ROR2: variants seen among roughly 807,000 people sequenced by gnomAD.
ROR2 encodes ROR family WNT receptor 2.
ROR2 carries 33 observed loss-of-function variants against 74.9 expected under a neutral mutation model. The observed-to-expected ratio is 0.44, with a 90% CI of 0.33 to 0.59. The LOEUF (loss-of-function observed/expected upper bound fraction) is 0.59. ROR2 is among the 20% of genes least tolerant of loss of function. The probability of loss-of-function intolerance (pLI) is 0.02; values close to 1 mark genes in which losing one functional copy is unlikely to be tolerated. For missense variants in ROR2, 1,216 were observed against 1,313.8 expected, an observed-to-expected ratio of 0.93 and a Z score of 1.15; for synonymous variants, 586 against 558.7, an observed-to-expected ratio of 1.05 and a Z score of -0.69.
chr9:91,758,467 C>A (rs920204892), intron 2 of ROR2, among the ~76,000 whole-genome samples: 2 of 152,130 alleles, frequency 1.3e-5, no homozygotes, highest in South Asian at 2.1e-4. Context: ...ATGGACATCC[C>A]CAAACCAAGC....
intron 4 of ROR2, among the ~76,000 whole-genome samples, chr9:91,745,030 G>A (rs1277876342): frequency 1.3e-5 from 2 of 152,224 alleles, no homozygotes; most frequent in Non-Finnish European, 2.9e-5. Flanking sequence ...GGCATTCCAT[G>A]TGTGAGTGCA....
chr9:91,752,172 C>T (rs72744475), intron 4 of ROR2, among the ~76,000 whole-genome samples: 1,775 of 152,258 alleles, frequency 0.012, 20 homozygotes, highest in Middle Eastern at 0.02. Context: ...CAGGAGAAGG[C>T]CCAGGAATGT....
chr9:91,900,091 G>A (rs1483915562), intron 1 of ROR2, among the ~76,000 whole-genome samples: 1 of 152,210 alleles, frequency 6.6e-6, no homozygotes, highest in Non-Finnish European at 1.5e-5. Flanking sequence ...TCACCAGTAA[G>A]ATAAGTTTTA....
rs1007453656 is a variant in ROR2 at position 91,811,173 on chromosome 9, G to A, written c.98-35355C>T. 3.9e-5 allele frequency among the ~76,000 whole-genome samples: 6 copies of A among 152,340 alleles called. No homozygotes were observed. In the East Asian group the frequency reaches 7.7e-4, roughly 20 times the overall value. On this transcript the variant is annotated intron_variant, in intron 1 of 8. Transcript: ENST00000375708. Reference sequence around the variant, plus strand: ...CACACCTCCCCTAGGCCGGGACAGCGGCGCTGGTGGGGGAAAAGCTGTCAG... The same window carrying A: ...CACACCTCCCCTAGGCCGGGACAGCAGCGCTGGTGGGGGAAAAGCTGTCAG...
intron 1 of ROR2, among the ~76,000 whole-genome samples, chr9:91,942,988 T>C (rs150413468): frequency 1.8e-4 from 27 of 152,328 alleles, no homozygotes; most frequent in Non-Finnish European, 3.5e-4. Flanking sequence ...CTCATACATA[T>C]AGTTATGTAC....
At position 91,733,535 on chromosome 9, in the gene ROR2, T is replaced by A; in HGVS notation, c.623-99A>T. 1 of 1,314,060 alleles carries A rather than the reference T, an allele frequency of 7.6e-7. No homozygotes were observed. Among genetic ancestry groups the A allele is most frequent in the Non-Finnish European group, 1.0e-6 (1 of 970,950 alleles). 81.4% of individuals were successfully genotyped at this position (1,314,060 alleles called of 1,614,324 possible). On this transcript the variant is annotated intron_variant, in intron 5 of 8. Coordinates refer to ENST00000375708, the MANE Select transcript of ROR2 (RefSeq NM_004560.4). This position sits in a 1 kb window ranked among gnomAD's most constrained non-coding sequence, Gnocchi z 5.7. ...CAGCCTGGCATCCCAGACTGCCCAC[T>A]CAGCCCCCTGATGCCCCGCCCCGCC...
intron 1 of ROR2, among the ~76,000 whole-genome samples, chr9:91,908,689 C>T (rs2697194): frequency 0.98 from 149,911 of 152,346 alleles, 73,771 homozygotes; most frequent in East Asian, 1. Context: ...AAAATTGATA[C>T]TAATAACAAA....
intron 1 of ROR2, among the ~76,000 whole-genome samples, chr9:91,825,345 C>A (rs568158064): frequency 1.5e-4 from 23 of 152,298 alleles, no homozygotes; most frequent in African/African-American, 5.3e-4. Flanking sequence ...ACCTGGACAC[C>A]TGGGGCGAAG....
chr9:91,749,544 A>T (rs1587683723), intron 4 of ROR2, among the ~76,000 whole-genome samples: 1 of 152,226 alleles, frequency 6.6e-6, no homozygotes, highest in East Asian at 1.9e-4. Flanking sequence ...AACACATTTC[A>T]GTCCATAGCA....
chr9:91,909,838 G>GTTTTTTTT (rs1278227036), intron 1 of ROR2, among the ~76,000 whole-genome samples: 28 of 63,214 alleles, frequency 4.4e-4, no homozygotes, highest in African/African-American at 1.3e-3. Context: ...TTTTTTTTAG[G>GTTTTTTTT]TTTGTTTTGT....
At chr9:91,931,062 T>C (rs776540280) in intron 1 of ROR2, among the ~76,000 whole-genome samples, 1 of 152,054 alleles carries the variant, frequency 6.6e-6, no homozygotes, top group Admixed American at 6.6e-5. Context: ...AAGGAGGCAC[T>C]AAAAATAGAA....
In ROR2 at chr9:91,724,880, G is replaced by A; in HGVS notation, c.1614C>T (p.Cys538=). 4.4e-6 allele frequency: 7 copies of A among 1,603,592 alleles called. No homozygotes were observed. The highest frequency in any genetic ancestry group is 6.0e-6 in the Non-Finnish European group (7 of 1,172,956). The part of the protein sequence containing the change: ...RARLQHPNVV[C]LLGVVTKDQP... ...GGTCCTTGGTCACCACGCCCAGCAG[G>A]CAGACGACGTTGGGGTGTTGCAGCC... Residue 538 remains cysteine (C), a synonymous_variant, in exon 9 of 9, where the codon TGC becomes TGT. Transcript: ENST00000375708.
intron 1 of ROR2, among the ~76,000 whole-genome samples, chr9:91,937,265 G>A (rs573537343): frequency 1.3e-5 from 2 of 152,174 alleles, no homozygotes; most frequent in South Asian, 4.2e-4. Context: ...TTGAGTGGAG[G>A]CTTTCATGAT....
At chr9:91,744,412 A>G (rs943462464) in intron 4 of ROR2, among the ~76,000 whole-genome samples, 1 of 151,670 alleles carries the variant, frequency 6.6e-6, no homozygotes, top group Admixed American at 6.6e-5. Flanking sequence ...TAGTAGAGAT[A>G]GAGTTTCATC....
chr9:91,811,305 G>A (rs1051115572), intron 1 of ROR2, among the ~76,000 whole-genome samples: 14 of 152,230 alleles, frequency 9.2e-5, no homozygotes, highest in African/African-American at 3.1e-4. Flanking sequence ...GGAGCGCAGG[G>A]CCCACATGGG....
At chr9:91,810,579 C>A (rs1827717253) in intron 1 of ROR2, among the ~76,000 whole-genome samples, 1 of 152,210 alleles carries the variant, frequency 6.6e-6, no homozygotes, top group African/African-American at 2.4e-5. Flanking sequence ...GTGTTCTTTA[C>A]CGTTAGCGGC....
chr9:91,909,854 T>G (rs866236692), intron 1 of ROR2, among the ~76,000 whole-genome samples: 14 of 112,624 alleles, frequency 1.2e-4, no homozygotes, highest in Non-Finnish European at 2.1e-4. Context: ...TTTGTTTTTT[T>G]TTTTTTTTTT....
chr9:91,796,706 G>T (rs1364230464), intron 1 of ROR2, among the ~76,000 whole-genome samples: 1 of 152,056 alleles, frequency 6.6e-6, no homozygotes, highest in Non-Finnish European at 1.5e-5. Context: ...GATACACTGG[G>T]ACTAGTAGGT....
At chr9:91,813,676 C>T (rs939863225) in intron 1 of ROR2, among the ~76,000 whole-genome samples, 1 of 152,206 alleles carries the variant, frequency 6.6e-6, no homozygotes, top group African/African-American at 2.4e-5. Context: ...AAGATTCCAG[C>T]GTGTCCCATT....
Sources: allele counts gnomAD v4.1 joint callset (sites outside exome capture counted in the v4.1 genomes callset), GRCh38; gene constraint gnomAD v4.1.1; non-coding constraint Gnocchi (gnomAD v3.1); transcripts MANE v1.5; gene names NCBI Gene and HGNC (gene_info 2026-07-23, HGNC 2026-07-21).